Variants in HIPK1 observed in about 807,000 individuals in gnomAD.
The protein encoded by HIPK1 is homeodomain-interacting protein kinase 1.
A neutral mutation model predicts 117.1 loss-of-function variants in HIPK1; 28 were observed. That is an observed-to-expected ratio of 0.24 (90% CI 0.18 to 0.33). The LOEUF (loss-of-function observed/expected upper bound fraction) is 0.33. Ranked by LOEUF, HIPK1 falls within the 10% of genes least tolerant of loss-of-function variation. The pLI is 1.00. For missense variants in HIPK1, 1,122 were observed against 1,475.1 expected (o/e 0.76, Z 3.92); for synonymous variants, 605 against 562.5 (o/e 1.08, Z -1.07).
intron 2 of HIPK1, among the ~76,000 whole-genome samples, chr1:113,942,584 A>G (rs1304847039): frequency 1.3e-5 from 2 of 152,130 alleles, no homozygotes; most frequent in African/African-American, 4.8e-5. Flanking sequence ...AACTTTCTCT[A>G]AATACTTTGA....
intron 2 of HIPK1, among the ~76,000 whole-genome samples, chr1:113,943,903 C>A (rs191565644): frequency 3.9e-5 from 6 of 152,160 alleles, no homozygotes; most frequent in African/African-American, 1.4e-4. Flanking sequence ...TAGCCTCCAA[C>A]TCCTGGACTT....
intron 13 of HIPK1, among the ~76,000 whole-genome samples, chr1:113,969,727 T>C (rs2101487533): frequency 6.6e-6 from 1 of 152,060 alleles, no homozygotes; most frequent in South Asian, 2.1e-4. Context: ...CTGCGAAACA[T>C]AGTGACATCT....
Position 113,952,804 on chromosome 1 carries a change from C to A in HIPK1, c.1115C>A (p.Ala372Asp). The A allele has an allele frequency of 6.6e-7, 1 of 1,509,926 alleles. No individual in the cohort carries two copies. Among genetic ancestry groups the A allele is most frequent in the South Asian group, 1.4e-5 (1 of 73,940 alleles). The allele number at this position is 1,509,926 out of a possible 1,614,324, so 93.5% of individuals were successfully genotyped here. The stretch of plus-strand genomic sequence containing the variant: ...ATTCTTGGGTTACCATTTTGTGAAG[C>A]TATTGATATGTGGTCACTGGGCTGT... ...EIILGLPFCE[A>D]IDMWSLGCVI... Residue 372 changes from alanine to aspartate, a missense_variant, in exon 3 of 16, where the codon GCT (alanine) becomes GAT (aspartate). Ala to Asp is a moderately radical substitution (Grantham distance 126). Transcript: ENST00000426820.
At chr1:113,962,465 C>T (rs780905083) in intron 9 of HIPK1, 27 bp downstream of exon 9, 3 of 1,608,424 alleles carry the variant, frequency 1.9e-6, no homozygotes, top group East Asian at 2.2e-5. Flanking sequence ...TGTGGATACT[C>T]AGTATTGCTA....
chr1:113,959,259 T>C (rs1000090081), intron 8 of HIPK1, among the ~76,000 whole-genome samples: 3 of 149,910 alleles, frequency 2.0e-5, no homozygotes, highest in Non-Finnish European at 3.0e-5. Context: ...GTTTGGTTTC[T>C]GATAGAGTCG....
At chr1:113,950,121 T>A (rs1454612484) in intron 2 of HIPK1, among the ~76,000 whole-genome samples, 1 of 151,596 alleles carries the variant, frequency 6.6e-6, no homozygotes, top group Non-Finnish European at 1.5e-5. Flanking sequence ...AGGGGAGGAT[T>A]TTTTTTTTCT....
chr1:113,952,743 C>G, intron 2 of HIPK1, 23 bp from the exon 3 acceptor site: 2 of 1,348,774 alleles, frequency 1.5e-6, no homozygotes, highest in Non-Finnish European at 1.9e-6. Flanking sequence ...TTTTTTTAAT[C>G]TGATATTTTT....
rs756991880 is a variant in HIPK1, at chr1:113,957,174, T to A, written c.1643T>A (p.Met548Lys). The change falls in exon 7 of 16, where the codon ATG (methionine) becomes AAG (lysine). Residue 548 changes from methionine (M) to lysine (K), a missense_variant. Met to Lys is a moderately conservative substitution (Grantham distance 95). Around this residue, in one of 6 missense-constraint regions of HIPK1, gnomAD observed 731 missense variants for 860.4 expected, o/e 0.85. Coordinates refer to ENST00000426820, the MANE Select transcript of HIPK1 (RefSeq NM_198268.3). ...GAGATCTGCAAGCGGAGGGTTCACA[T>A]GTATGATACAGTGAGTCAGATCAAG... ...NMEICKRRVH[M>K]YDTVSQIKSP... is the part of the protein sequence containing the mutation. The A allele has an allele frequency of 1.2e-6, 2 of 1,613,094 alleles. No individual in the cohort carries two copies. Among genetic ancestry groups the A allele is most frequent in the Non-Finnish European group, 1.7e-6 (2 of 1,179,166 alleles).
chr1:113,953,310 C>T (rs923470489), intron 3 of HIPK1, among the ~76,000 whole-genome samples: 7 of 152,132 alleles, frequency 4.6e-5, no homozygotes, highest in Non-Finnish European at 7.4e-5. Context: ...GACTGAAACA[C>T]TTCAGGTCCC....
At position 113,941,790 on chromosome 1, in the gene HIPK1, C is replaced by T. The variant is rs182962093; in HGVS notation, c.1076+331C>T. Among the ~76,000 whole-genome samples the T allele has an allele frequency of 2.8e-4, 42 of 152,148 alleles. No individual in the cohort carries two copies. The highest frequency in any genetic ancestry group is 4.1e-4 in the South Asian group (2 of 4,824). ...ATTTATTTATTTAGAGACAGAATCTCGCTCTGTCGCCCAGGCTGGAGTGCA... is the reference window on the plus strand; with the variant it reads ...ATTTATTTATTTAGAGACAGAATCTTGCTCTGTCGCCCAGGCTGGAGTGCA... On this transcript the variant is annotated intron_variant, in intron 2 of 15. Coordinates refer to ENST00000426820, the MANE Select transcript of HIPK1 (RefSeq NM_198268.3). The surrounding 1 kb of genome is among the most constrained non-coding windows in gnomAD (Gnocchi z 4.9).
At chr1:113,959,302 G>C (rs965226247) in intron 8 of HIPK1, among the ~76,000 whole-genome samples, 11 of 151,924 alleles carry the variant, frequency 7.2e-5, no homozygotes, top group African/African-American at 9.7e-5. Flanking sequence ...GGCTAGGGGG[G>C]TCAGAGAGAT....
intron 2 of HIPK1, chr1:113,951,306 C>G: frequency 1.0e-6 from 1 of 977,276 alleles, no homozygotes. Flanking sequence ...TGTACTTTTA[C>G]TTATTGAGAA....
In HIPK1 at chr1:113,968,599, A is replaced by G; in HGVS notation, c.2722A>G (p.Ile908Val). ...TPSPPVSVIT[I>V]RSDTDEEEDN... ...CAGCCCTCCTGTGAGTGTCATCACT[A>G]TCCGAAGTGACACTGATGAGGAAGA... Residue 908 changes from isoleucine (I) to valine (V), a missense_variant, in exon 13 of 16, where the codon ATC becomes GTC. Around this residue, in one of 6 missense-constraint regions of HIPK1, gnomAD observed 731 missense variants for 860.4 expected, o/e 0.85. Coordinates refer to ENST00000426820, the MANE Select transcript of HIPK1 (RefSeq NM_198268.3). The G allele has an allele frequency of 6.2e-7, 1 of 1,614,072 alleles. No homozygotes were observed. Among genetic ancestry groups the G allele is most frequent in the Non-Finnish European group, 8.5e-7 (1 of 1,179,942 alleles).
At chr1:113,954,524 A>G (rs1671582976) in intron 3 of HIPK1, 127 bp from the exon 4 acceptor site, 2 of 910,212 alleles carry the variant, frequency 2.2e-6, no homozygotes, top group African/African-American at 3.3e-5. Flanking sequence ...TTACAGATAA[A>G]TTTCAGTTGT....
chr1:113,929,726 C>T (rs1343404661), intron 1 of HIPK1, 194 bp downstream of exon 1: 7 of 830,712 alleles, frequency 8.4e-6, no homozygotes, highest in African/African-American at 6.1e-5. Flanking sequence ...GCGGCGGCGG[C>T]GGCGGGAAGG....
chr1:113,973,565 T>G lies in HIPK1; in HGVS notation c.*53T>G. The G allele has an allele frequency of 6.5e-7, 1 of 1,531,654 alleles. No homozygotes were observed. Among genetic ancestry groups the G allele is most frequent in the Non-Finnish European group, 8.8e-7 (1 of 1,137,566 alleles). The allele number at this position is 1,531,654 out of a possible 1,614,324, so 94.9% of individuals were successfully genotyped here. A position where few individuals can be genotyped will look rare whatever the true frequency, so the allele number is the denominator to read the frequency against. ...TGGCTACCTTCTCCTGGCCCTGCGTTCTTAATATTGGGCTATGGAGAGATC... is the reference window on the plus strand; with the variant it reads ...TGGCTACCTTCTCCTGGCCCTGCGTGCTTAATATTGGGCTATGGAGAGATC... On this transcript the variant is annotated 3_prime_UTR_variant, in exon 16 of 16. Transcript: ENST00000426820.
At chr1:113,942,809 TATTA>T (rs1296667651) in intron 2 of HIPK1, among the ~76,000 whole-genome samples, 2 of 152,216 alleles carry the variant, frequency 1.3e-5, no homozygotes, top group Non-Finnish European at 2.9e-5. Flanking sequence ...CTTGCCTAGT[TATTA>T]ATTTTAAGGA....
Position 113,973,664 on chromosome 1 carries a change from C to T in HIPK1, c.*152C>T. 1.3e-6 allele frequency: 1 copy of T among 772,666 alleles called. No individual in the cohort carries two copies. Among genetic ancestry groups the T allele is most frequent in the East Asian group, 2.8e-5 (1 of 36,148 alleles). 47.9% of individuals were successfully genotyped at this position (772,666 alleles called of 1,614,324 possible). A position where few individuals can be genotyped will look rare whatever the true frequency, so the allele number is the denominator to read the frequency against. ...GCCCACTGAAGCAGAAGGTTTTTCT[C>T]TGGGGGAACCTGTCTCAGTGTTGAC... On this transcript the variant is annotated 3_prime_UTR_variant, in exon 16 of 16. Transcript: ENST00000426820.
intron 2 of HIPK1, among the ~76,000 whole-genome samples, chr1:113,942,757 A>G (rs932637983): frequency 6.6e-6 from 1 of 152,170 alleles, no homozygotes; most frequent in Non-Finnish European, 1.5e-5. Flanking sequence ...TACCATAACC[A>G]AGGCTTTTAA....
Sources: gnomAD v4.1 joint callset for allele counts (sites outside exome capture counted in the v4.1 genomes callset) on GRCh38, gnomAD v4.1.1 for gene constraint, gnomAD v4.1.1 regional missense constraint, Gnocchi (gnomAD v3.1) non-coding constraint, MANE v1.5 for transcripts, NCBI Gene and HGNC (gene_info 2026-07-23, HGNC 2026-07-21) for gene names.